The following SV2B variants were observed in gnomAD, a reference collection of about 807,000 sequenced individuals.
SV2B encodes the protein synaptic vesicle glycoprotein 2B.
SV2B carries 41 observed loss-of-function variants against 73.9 expected under a neutral mutation model. The ratio of observed to expected loss-of-function variants is 0.56; its 90% CI spans 0.43 to 0.72. SV2B has a LOEUF of 0.72. Among genes scored for constraint, SV2B ranks in the 30% least tolerant of loss-of-function variants. SV2B has a pLI of 0.00. For missense variants in SV2B, 764 were observed against 857.8 expected (o/e 0.89, Z 1.37); for synonymous variants, 314 against 314.2 (o/e 1.00, Z 0.01).
rs113613568 is a variant in SV2B at position 91,200,897 on chromosome 15, A to G, written c.-391-24976A>G. On this transcript the variant is annotated intron_variant, in intron 1 of 12. Coordinates refer to ENST00000394232, the MANE Select transcript of SV2B (RefSeq NM_001323032.3). ...CTGCACTCCAGCCTCGGTGATGGAG[A>G]ACCTGTCTCTGAAAAAAGAAAAAGA... Among the ~76,000 whole-genome samples the G allele has an allele frequency of 9.0e-3, 1,371 of 152,252 alleles. 25 individuals carry two copies. Among genetic ancestry groups the G allele is most frequent in the African/African-American group, 0.031 (1,307 of 41,530 alleles).
At position 91,139,781 on chromosome 15, in the gene SV2B, G is replaced by A. The variant is rs2042947858; in HGVS notation, c.-392+39418G>A. 6.6e-6 allele frequency among the ~76,000 whole-genome samples: 1 copy of A among 152,188 alleles called. No homozygotes were observed. Among genetic ancestry groups the A allele is most frequent in the Non-Finnish European group, 1.5e-5 (1 of 68,022 alleles). On this transcript the variant is annotated intron_variant, in intron 1 of 12. Coordinates refer to ENST00000394232, the MANE Select transcript of SV2B (RefSeq NM_001323032.3). The surrounding 1 kb of genome is among the most constrained non-coding windows in gnomAD (Gnocchi z 5.2). The stretch of plus-strand genomic sequence containing the variant: ...AACTGAGACACTTTTGAGGATGCAA[G>A]GAGGTACTCAGATAATTAACAGGCG...
At position 91,163,421 on chromosome 15, in the gene SV2B, A is replaced by G. The variant is rs144568814; in HGVS notation, c.-391-62452A>G. On this transcript the variant is annotated intron_variant, in intron 1 of 12. Transcript: ENST00000394232. ...CCTATTTCTCCACATCCTCTCCAGTACCTGTTGTTTCTTGACTTTTTAATG... is the reference window on the plus strand; with the variant it reads ...CCTATTTCTCCACATCCTCTCCAGTGCCTGTTGTTTCTTGACTTTTTAATG... Among the ~76,000 whole-genome samples, 1,406 of 152,226 alleles carry G rather than the reference A, an allele frequency of 9.2e-3. 9 individuals are homozygous for G. Among genetic ancestry groups the G allele is most frequent in the Non-Finnish European group, 0.014 (937 of 68,018 alleles).
At chr15:91,146,424 A>G (rs1017176081) in intron 1 of SV2B, among the ~76,000 whole-genome samples, 1 of 152,070 alleles carries the variant, frequency 6.6e-6, no homozygotes, top group African/African-American at 2.4e-5. Context: ...TGACTTGGCT[A>G]TTTGGGCTCT....
rs1323663435 is a variant in SV2B, at chr15:91,252,300, C to T, written c.633-69C>T. On this transcript the variant is annotated intron_variant, in intron 3 of 12. Coordinates refer to ENST00000394232, the MANE Select transcript of SV2B (RefSeq NM_001323032.3). The surrounding 1 kb of genome is among the most constrained non-coding windows in gnomAD (Gnocchi z 4.6). The stretch of plus-strand genomic sequence containing the variant: ...AGAGCCTAAGGTGGGGTATAGGCAA[C>T]TTGGTTTCTGCTGTGACCATTTTTA... 5 of 1,543,450 alleles carry T rather than the reference C, an allele frequency of 3.2e-6. No individual in the cohort carries two copies. Among genetic ancestry groups the T allele is most frequent in the African/African-American group, 1.4e-5 (1 of 72,682 alleles).
chr15:91,112,454 A>C (rs2042063783), intron 1 of SV2B, among the ~76,000 whole-genome samples: 2 of 152,354 alleles, frequency 1.3e-5, no homozygotes, highest in South Asian at 4.1e-4. Flanking sequence ...CTGTGATTGA[A>C]GTCTTGGAAA....
chr15:91,142,474 A>G (rs12148633), intron 1 of SV2B, among the ~76,000 whole-genome samples: 49,095 of 152,148 alleles, frequency 0.32, 8,529 homozygotes, highest in Non-Finnish European at 0.38. Flanking sequence ...GAGGAAATAC[A>G]GGAATGCTCA....
At chr15:91,219,513 T>A (rs1238099236) in intron 1 of SV2B, among the ~76,000 whole-genome samples, 6 of 152,144 alleles carry the variant, frequency 3.9e-5, no homozygotes, top group Non-Finnish European at 7.3e-5. Context: ...CAGCCTATAT[T>A]CCATGGATGT....
chr15:91,279,514 G>C (rs2048615110), intron 9 of SV2B, among the ~76,000 whole-genome samples: 1 of 152,194 alleles, frequency 6.6e-6, no homozygotes, highest in African/African-American at 2.4e-5. Flanking sequence ...CAGTATATAG[G>C]CTGGAGATCG....
chr15:91,205,421 A>G (rs982633044), intron 1 of SV2B, among the ~76,000 whole-genome samples: 9 of 151,788 alleles, frequency 5.9e-5, no homozygotes, highest in East Asian at 1.9e-4. Flanking sequence ...AGGCTGGAGT[A>G]CAGTGGTGAT....
chr15:91,126,944 A>G (rs1001927781), intron 1 of SV2B, among the ~76,000 whole-genome samples: 2 of 152,250 alleles, frequency 1.3e-5, no homozygotes, highest in African/African-American at 4.8e-5. Context: ...AGTTTAGGAA[A>G]AAGACAAGGG....
chr15:91,215,380 T>C (rs2045990065), intron 1 of SV2B, among the ~76,000 whole-genome samples: 1 of 152,168 alleles, frequency 6.6e-6, no homozygotes. Context: ...AGTTTTGGAA[T>C]GGGAGCCAGG....
chr15:91,274,578 G>C (rs150242011), intron 9 of SV2B, among the ~76,000 whole-genome samples: 2 of 152,174 alleles, frequency 1.3e-5, no homozygotes, highest in South Asian at 4.1e-4. Context: ...AGTATTCATC[G>C]TCTTGTCTTA....
At chr15:91,226,913 G>A (rs2046403754) in intron 2 of SV2B, among the ~76,000 whole-genome samples, 199 bp downstream of exon 2, 1 of 152,128 alleles carries the variant, frequency 6.6e-6, no homozygotes, top group African/African-American at 2.4e-5. Context: ...TTCTATTGAG[G>A]TCTATCTGAC....
chr15:91,152,425 C>T (rs2043342582), intron 1 of SV2B, among the ~76,000 whole-genome samples: 1 of 152,146 alleles, frequency 6.6e-6, no homozygotes, highest in African/African-American at 2.4e-5. Context: ...ACCTTTGAGT[C>T]TCTTGGGCTT....
In SV2B at chr15:91,295,028, T is replaced by G. The variant is rs1004968511; in HGVS notation, c.*2476T>G. ...AAAAATAGTCTCTGTGGCAGGTCACTGGGGGACAATGTACAGCATTCTGGC... is the reference window on the plus strand; with the variant it reads ...AAAAATAGTCTCTGTGGCAGGTCACGGGGGGACAATGTACAGCATTCTGGC... On this transcript the variant is annotated 3_prime_UTR_variant, in exon 13 of 13. Coordinates refer to ENST00000394232, the MANE Select transcript of SV2B (RefSeq NM_001323032.3). 8 of 152,792 alleles carry G rather than the reference T, an allele frequency of 5.2e-5. No individual in the cohort carries two copies. The highest frequency in any genetic ancestry group is 1.9e-4 in the African/African-American group (8 of 41,566). 9.5% of individuals were successfully genotyped at this position (152,792 alleles called of 1,614,324 possible). A position where few individuals can be genotyped will look rare whatever the true frequency, so the allele number is the denominator to read the frequency against.
intron 2 of SV2B, among the ~76,000 whole-genome samples, chr15:91,238,429 C>A (rs2046874486): frequency 6.6e-6 from 1 of 152,302 alleles, no homozygotes; most frequent in Middle Eastern, 3.4e-3. Flanking sequence ...TTTCAAAAAT[C>A]CAGTTATATC....
At position 91,106,722 on chromosome 15, in the gene SV2B, T is replaced by A. The variant is rs1362171319; in HGVS notation, c.-392+6359T>A. Among the ~76,000 whole-genome samples the A allele has an allele frequency of 6.6e-6, 1 of 152,052 alleles. No homozygotes were observed. Among genetic ancestry groups the A allele is most frequent in the Non-Finnish European group, 1.5e-5 (1 of 68,006 alleles). ...GAGGGAGGTGGCTGAAATTCAGGGG[T>A]GTGATGTTCTTGGGTTATTATTGTA... On this transcript the variant is annotated intron_variant, in intron 1 of 12. Transcript: ENST00000394232. The surrounding 1 kb of genome is among the most constrained non-coding windows in gnomAD (Gnocchi z 4.4).
Position 91,231,661 on chromosome 15 carries a change from A to T in SV2B, c.451+4947A>T, listed in dbSNP as rs1389319688. ...CTGCAAATAAGCACCTCAACCTGGAACTGTGGGCTATTCCCTACCTTCATG... is the reference window on the plus strand; with the variant it reads ...CTGCAAATAAGCACCTCAACCTGGATCTGTGGGCTATTCCCTACCTTCATG... On this transcript the variant is annotated intron_variant, in intron 2 of 12. Coordinates refer to ENST00000394232, the MANE Select transcript of SV2B (RefSeq NM_001323032.3). This position sits in a 1 kb window ranked among gnomAD's most constrained non-coding sequence, Gnocchi z 4.5. 6.6e-6 allele frequency among the ~76,000 whole-genome samples: 1 copy of T among 152,164 alleles called. No homozygotes were observed. The highest frequency in any genetic ancestry group is 2.4e-5 in the African/African-American group (1 of 41,456).
chr15:91,100,196 G>C (rs954393155), upstream of SV2B: 1 of 151,438 alleles, frequency 6.6e-6, no homozygotes, highest in Non-Finnish European at 1.5e-5. This position sits in a 1 kb window ranked among gnomAD's most constrained non-coding sequence, Gnocchi z 6.4. Flanking sequence ...GCGCCTGGGC[G>C]GCTGGCGGGG....
Sources: allele counts gnomAD v4.1 joint callset (sites outside exome capture counted in the v4.1 genomes callset), GRCh38; gene constraint gnomAD v4.1.1; non-coding constraint Gnocchi (gnomAD v3.1); transcripts MANE v1.5; gene names NCBI Gene and HGNC (gene_info 2026-07-23, HGNC 2026-07-21).